ZPBP: variants seen among roughly 807,000 people sequenced by gnomAD.
ZPBP encodes zona pellucida binding protein.
A neutral mutation model predicts 44.8 loss-of-function variants in ZPBP; 26 were observed. The ratio of observed to expected loss-of-function variants is 0.58; its 90% confidence interval spans 0.43 to 0.81. The LOEUF is 0.81. Ranked by LOEUF, ZPBP falls within the 30% of genes least tolerant of loss-of-function variation. The pLI, the probability that ZPBP is intolerant of heterozygous loss-of-function variation, is 0.00. For missense variants in ZPBP, 409 were observed against 434.0 expected (o/e 0.94, Z 0.51); for synonymous variants, 174 against 153.2 (o/e 1.14, Z -1.00).
rs550774237 is a variant in ZPBP, at chr7:49,926,972, T to C, written n.411+8779A>G. 1.6e-4 allele frequency among the ~76,000 whole-genome samples: 24 copies of C among 152,212 alleles called. No homozygotes were observed. In the South Asian group the frequency reaches 3.1e-3, roughly 20 times the overall value. On this transcript the variant is annotated intron_variant and non_coding_transcript_variant, in intron 1 of 2. Coordinates refer to the ZPBP transcript ENST00000465922. Reference sequence around the variant, plus strand: ...GCTCAGTCTAGAAGCACAGACGCAGTGCAAACACAGTGGAATCAGAGTGCA... The same window carrying C: ...GCTCAGTCTAGAAGCACAGACGCAGCGCAAACACAGTGGAATCAGAGTGCA...
intron 7 of ZPBP, among the ~76,000 whole-genome samples, chr7:49,960,227 C>T (rs1279591178): frequency 1.3e-5 from 2 of 152,004 alleles, no homozygotes; most frequent in South Asian, 2.1e-4. Context: ...CGACACTAGC[C>T]TGGTCAACAT....
intron 6 of ZPBP, among the ~76,000 whole-genome samples, chr7:50,007,778 T>G (rs1036760484): frequency 6.6e-6 from 1 of 151,910 alleles, no homozygotes; most frequent in Non-Finnish European, 1.5e-5. Flanking sequence ...AAATATATAT[T>G]TTTCAACCGA....
At chr7:49,927,011 T>C (rs978508865) in intron 1 of ZPBP, among the ~76,000 whole-genome samples, 4 of 152,188 alleles carry the variant, frequency 2.6e-5, no homozygotes, top group African/African-American at 9.7e-5. Flanking sequence ...ATGGAGCCAC[T>C]GGTCAGTGAC....
At chr7:50,063,694 T>C (rs931915708) in intron 3 of ZPBP, among the ~76,000 whole-genome samples, 6 of 152,192 alleles carry the variant, frequency 3.9e-5, no homozygotes, top group Admixed American at 3.3e-4. Context: ...ATTTCCATGA[T>C]AGCTCGGCCA....
chr7:49,980,704 G>A (rs551167012), intron 7 of ZPBP, among the ~76,000 whole-genome samples: 1 of 151,990 alleles, frequency 6.6e-6, no homozygotes, highest in African/African-American at 2.4e-5. Context: ...CCCCGAGGGA[G>A]AATATTAATC....
intron 4 of ZPBP, among the ~76,000 whole-genome samples, chr7:50,033,188 T>C (rs1350389514): frequency 6.6e-6 from 1 of 152,214 alleles, no homozygotes; most frequent in Non-Finnish European, 1.5e-5. Context: ...TCTCTCTGAT[T>C]TCTTCTGAAT....
At chr7:49,892,166 T>C (rs1276913728) in intron 2 of ZPBP, among the ~76,000 whole-genome samples, 3 of 140,368 alleles carry the variant, frequency 2.1e-5, no homozygotes, top group African/African-American at 7.9e-5. Flanking sequence ...TGCCTCAGCC[T>C]CCCGAGTAGC....
intron 4 of ZPBP, among the ~76,000 whole-genome samples, chr7:50,051,725 C>CA (rs1800707478): frequency 1.3e-5 from 2 of 152,066 alleles, no homozygotes; most frequent in South Asian, 4.2e-4. Flanking sequence ...AACCAAACAC[C>CA]ACATATTCTC....
At chr7:49,858,810 T>C (rs1790533907) in intron 2 of ZPBP, among the ~76,000 whole-genome samples, 4 of 152,350 alleles carry the variant, frequency 2.6e-5, no homozygotes, top group African/African-American at 9.6e-5. Context: ...ATGTTACTTA[T>C]TTTTTATGTT....
At chr7:49,913,558 T>A (rs1450337758) in intron 1 of ZPBP, 1 of 152,202 alleles carries the variant, frequency 6.6e-6, no homozygotes, top group Admixed American at 6.5e-5. Flanking sequence ...CATATTTTTG[T>A]TTATTCTGAA....
chr7:49,982,787 A>G (rs1797088090), intron 7 of ZPBP, among the ~76,000 whole-genome samples: 1 of 151,992 alleles, frequency 6.6e-6, no homozygotes, highest in East Asian at 1.9e-4. Flanking sequence ...AGAAATGCAA[A>G]GACTTTGAAT....
chr7:50,042,299 C>A (rs927809404), intron 4 of ZPBP, among the ~76,000 whole-genome samples: 2 of 152,162 alleles, frequency 1.3e-5, no homozygotes, highest in African/African-American at 4.8e-5. Context: ...GACAGGCCAA[C>A]ATTCAAATTC....
intron 3 of ZPBP, among the ~76,000 whole-genome samples, chr7:50,067,095 G>C (rs1801544632): frequency 6.6e-6 from 1 of 152,104 alleles, no homozygotes; most frequent in Admixed American, 6.5e-5. Context: ...GGTTTGAAAG[G>C]GTGTACTGGG....
At chr7:50,092,047 G>T (rs1171774023) in intron 1 of ZPBP, among the ~76,000 whole-genome samples, 1 of 152,084 alleles carries the variant, frequency 6.6e-6, no homozygotes, top group Non-Finnish European at 1.5e-5. Context: ...TGCTATATAA[G>T]AGGCCTTCAC....
chr7:49,914,918 A>G (rs1419672955), intron 1 of ZPBP: 1 of 152,232 alleles, frequency 6.6e-6, no homozygotes, highest in Non-Finnish European at 1.5e-5. Flanking sequence ...GGCCTGCTCT[A>G]TAAGTACCTA....
At chr7:50,030,167 T>C (rs1165044861) in intron 5 of ZPBP, among the ~76,000 whole-genome samples, 1 of 152,060 alleles carries the variant, frequency 6.6e-6, no homozygotes, top group African/African-American at 2.4e-5. Context: ...AGGACTGATC[T>C]ACCTATTAAA....
At chr7:49,891,836 T>A (rs539985995) in intron 2 of ZPBP, among the ~76,000 whole-genome samples, 16 of 152,282 alleles carry the variant, frequency 1.1e-4, no homozygotes, top group Middle Eastern at 3.4e-3. Context: ...TAGGTCCTTT[T>A]AATAGCTACC....
chr7:49,950,042 T>C (rs1795270556), intron 7 of ZPBP, among the ~76,000 whole-genome samples: 1 of 151,860 alleles, frequency 6.6e-6, no homozygotes, highest in South Asian at 2.1e-4. Flanking sequence ...ACAGAATATA[T>C]AAACAAAAAT....
intron 5 of ZPBP, 48 bp downstream of exon 5, chr7:50,031,044 T>C: frequency 6.6e-7 from 1 of 1,522,392 alleles, no homozygotes; most frequent in Non-Finnish European, 9.1e-7. Flanking sequence ...TTTTAACTAT[T>C]AGTTATGTGT....
Sources: allele counts gnomAD v4.1 joint callset (sites outside exome capture counted in the v4.1 genomes callset), GRCh38; gene constraint gnomAD v4.1.1; transcripts MANE v1.5; gene names NCBI Gene and HGNC (gene_info 2026-07-23, HGNC 2026-07-21).